The following PFKL variants were observed in gnomAD, a reference collection of about 807,000 sequenced individuals.
PFKL encodes phosphofructokinase, liver type, also known as ATP-dependent 6-phosphofructokinase, liver type.
Under a neutral mutation model 92.1 loss-of-function variants are expected in PFKL, and 74 were observed. That is an observed-to-expected ratio of 0.80 (90% CI 0.67 to 0.97). The LOEUF (loss-of-function observed/expected upper bound fraction) is 0.97. Among genes scored for constraint, PFKL ranks in the 50% least tolerant of loss-of-function variants. The pLI is 0.00. For synonymous variants in PFKL, 494 were observed against 456.4 expected, an observed-to-expected ratio of 1.08 and a Z score of -1.05; for missense variants, 1,028 against 1,116.6, an observed-to-expected ratio of 0.92 and a Z score of 1.13.
At chr21:44,325,082 C>A in intron 18 of PFKL, 71 bp from the exon 19 acceptor site, 1 of 1,263,558 alleles carries the variant, frequency 7.9e-7, no homozygotes. Context: ...AGGCCTGGCC[C>A]AGCGGGGACT....
intron 9 of PFKL, 43 bp downstream of exon 9, chr21:44,316,567 C>A: frequency 6.8e-7 from 1 of 1,465,938 alleles, no homozygotes; most frequent in South Asian, 1.2e-5. Context: ...CGTGGGTAAG[C>A]GTGGTGTGTG....
At chr21:44,314,135 C>T (rs1373016351) in intron 7 of PFKL, 114 bp downstream of exon 7, 1 of 726,774 alleles carries the variant, frequency 1.4e-6, no homozygotes, top group African/African-American at 1.8e-5. Context: ...GGTTCATCAG[C>T]AGCTGCAGGT....
chr21:44,319,372 A>C lies in PFKL; in HGVS notation c.1084A>C (p.Met362Leu), dbSNP rs1381748939. ...TAAGACCAAGGAAGTGCAGAAAGCC[A>C]TGGATGACAAGAGGTTTGACGAGGC... is the stretch of plus-strand genomic sequence containing the variant. ...VQMTKEVQKAMDDKRFDEATQ... is the reference protein window; with the variant it reads ...VQMTKEVQKALDDKRFDEATQ... The change falls in exon 11 of 22, where the codon ATG becomes CTG. Residue 362 changes from methionine (M) to leucine (L), a missense_variant. Coordinates refer to ENST00000349048, the MANE Select transcript of PFKL (RefSeq NM_002626.6). 1 of 1,613,810 alleles carries C rather than the reference A, an allele frequency of 6.2e-7. No individual in the cohort carries two copies. The highest frequency in any genetic ancestry group is 1.7e-5 in the Admixed American group (1 of 60,022).
chr21:44,310,352 G>A (rs369675192), intron 2 of PFKL, among the ~76,000 whole-genome samples: 25 of 152,314 alleles, frequency 1.6e-4, no homozygotes, highest in African/African-American at 5.1e-4. Context: ...GTGGCGGGAC[G>A]CGGAGCCTGG....
chr21:44,324,482 G>C lies in PFKL; in HGVS notation c.1651-9G>C, dbSNP rs760908364. 5 of 1,612,648 alleles carry C rather than the reference G, an allele frequency of 3.1e-6. No individual in the cohort carries two copies. The highest frequency in any genetic ancestry group is 2.2e-5 in the East Asian group (1 of 44,854). Reference sequence around the variant, plus strand: ...CGTGGAGGACCCCCGACCCCCCCTTGTCCCCCAGAGCTGTGACCGCATCAA... The same window carrying C: ...CGTGGAGGACCCCCGACCCCCCCTTCTCCCCCAGAGCTGTGACCGCATCAA... On this transcript the variant is annotated splice_polypyrimidine_tract_variant and intron_variant, in intron 16 of 21. Transcript: ENST00000349048.
chr21:44,307,571 C>A (rs766587576), intron 2 of PFKL, among the ~76,000 whole-genome samples: 1 of 152,250 alleles, frequency 6.6e-6, no homozygotes, highest in Non-Finnish European at 1.5e-5. Context: ...TCACTGCTCA[C>A]TGCTCGCTGC....
Position 44,322,170 on chromosome 21 carries a change from TG to T in PFKL, c.1380del (p.Arg461ValfsTer85). 1.2e-6 allele frequency: 2 copies of T among 1,604,908 alleles called. No individual in the cohort carries two copies. ...GGCTGGCACGACGTGGCCGGCTGGT[TG>T]GGGCGTGGTGGCTCCATGCTGGGGA... ...EVGWHDVAGW[L>X]GRGGSMLGTK... On this transcript the variant is annotated frameshift_variant, in exon 14 of 22. Transcript: ENST00000349048. LOFTEE classifies it high-confidence loss of function.
At chr21:44,305,846 A>G (rs1039355038) in intron 1 of PFKL, 1 of 1,366,504 alleles carries the variant, frequency 7.3e-7, no homozygotes. Context: ...TGTTTCTTTC[A>G]CTGCAGTCCT....
In PFKL at chr21:44,316,512, C is replaced by G. The variant is rs139920536; in HGVS notation, c.924C>G (p.Phe308Leu). ...HVQRGGTPSA[F>L]DRILSSKMGM... ...AGCGGGGAGGGACGCCCTCTGCCTT[C>G]GACCGGATCCTGGTAAGTGGCCATC... is the stretch of plus-strand genomic sequence containing the variant. The change falls in exon 9 of 22, where the codon TTC (phenylalanine) becomes TTG (leucine). Residue 308 changes from phenylalanine (F) to leucine (L), a missense_variant. Transcript: ENST00000349048. The G allele has an allele frequency of 1.3e-6, 2 of 1,597,030 alleles. No homozygotes were observed. Among genetic ancestry groups the G allele is most frequent in the South Asian group, 2.2e-5 (2 of 89,346 alleles).
chr21:44,318,607 G>GC lies in PFKL; in HGVS notation c.1062+20dup, dbSNP rs761158800. The GC allele has an allele frequency of 4.1e-4, 592 of 1,458,016 alleles. 1 individual carries two copies. Among genetic ancestry groups the GC allele is most frequent in the South Asian group, 6.5e-4 (46 of 71,184 alleles). The allele number at this position is 1,458,016 out of a possible 1,614,324, so 90.3% of individuals were successfully genotyped here. ...AGTGCGTGCAGATGGTAAGCCCTGG[G>GC]CCCCCCCCATCAGAACCGCCTGGCC... is the stretch of plus-strand genomic sequence containing the variant. On this transcript the variant is annotated intron_variant, in intron 10 of 21. Transcript: ENST00000349048.
chr21:44,319,951 C>G lies in PFKL; in HGVS notation c.1128-133C>G, dbSNP rs2047315933. On this transcript the variant is annotated intron_variant, in intron 11 of 21. Transcript: ENST00000349048. ...GTGCCCTGCCTGGCATGCGCGGTGT[C>G]TGCTGCCTCATGGCTGAGCTTCCAT... 4 of 776,638 alleles carry G rather than the reference C, an allele frequency of 5.2e-6. No individual in the cohort carries two copies. The East Asian group carries it at 1.0e-4, about 19-fold the overall frequency. 48.1% of individuals were successfully genotyped at this position (776,638 alleles called of 1,614,324 possible).
At chr21:44,316,749 G>T (rs2047218713) in intron 9 of PFKL, among the ~76,000 whole-genome samples, 1 of 151,838 alleles carries the variant, frequency 6.6e-6, no homozygotes, top group Admixed American at 6.6e-5. Flanking sequence ...GTGTGTGTGG[G>T]TGTGTGTCAG....
At chr21:44,320,437 G>T (rs2047327867) in intron 12 of PFKL, 1 of 300,896 alleles carries the variant, frequency 3.3e-6, no homozygotes, top group Non-Finnish European at 6.3e-6. Flanking sequence ...CCATTGTGTA[G>T]AAAATGTCCC....
At chr21:44,326,343 C>T in intron 21 of PFKL, 79 bp downstream of exon 21, 1 of 1,041,150 alleles carries the variant, frequency 9.6e-7, no homozygotes, top group Non-Finnish European at 1.4e-6. Context: ...GTGTGCCAGG[C>T]CCAGCCCCAC....
rs1304648897 is a variant in PFKL at position 44,321,676 on chromosome 21, T to TG, written c.1192-48dup. On this transcript the variant is annotated intron_variant, in intron 12 of 21. Transcript: ENST00000349048. ...CGGCCTGCTGACCTCCTGTGCAGGT[T>TG]GGGGGTCCCCTCCCCGGCTGTGCCT... 6.8e-6 allele frequency: 10 copies of TG among 1,470,832 alleles called. No individual in the cohort carries two copies. The Middle Eastern group carries it at 7.3e-4, about 108-fold the overall frequency. The allele number at this position is 1,470,832 out of a possible 1,614,324, so 91.1% of individuals were successfully genotyped here. A position where few individuals can be genotyped will look rare whatever the true frequency, so the allele number is the denominator to read the frequency against.
chr21:44,303,326 G>A (rs2040827658), intron 1 of PFKL, among the ~76,000 whole-genome samples: 1 of 150,328 alleles, frequency 6.7e-6, no homozygotes, highest in Non-Finnish European at 1.5e-5. Flanking sequence ...CAGGAGAATC[G>A]CTTGAACCGG....
Position 44,321,824 on chromosome 21 carries a change from A to T in PFKL, c.1287A>T (p.Gly429=). 1 of 1,600,928 alleles carries T rather than the reference A, an allele frequency of 6.2e-7. No homozygotes were observed. The highest frequency in any genetic ancestry group is 1.7e-5 in the Admixed American group (1 of 58,006). Residue 429 remains glycine (G), a synonymous_variant, in exon 13 of 22, where the codon GGA becomes GGT. Transcript: ENST00000349048. ...RSAVRTGISH[G]HTVYVVHDGF... ...CGGTGCGGACCGGCATCTCCCATGG[A>T]CACACAGTATACGTGGTGCACGATG...
intron 9 of PFKL, among the ~76,000 whole-genome samples, 197 bp downstream of exon 9, chr21:44,316,721 G>A (rs752222649): frequency 5.3e-5 from 8 of 151,874 alleles, no homozygotes; most frequent in East Asian, 1.9e-4. Context: ...TGTCTGGTCC[G>A]TGTGGGTGTG....
At chr21:44,300,855 G>T (rs375469087) in intron 1 of PFKL, among the ~76,000 whole-genome samples, 2 of 152,204 alleles carry the variant, frequency 1.3e-5, no homozygotes, top group Non-Finnish European at 2.9e-5. Context: ...TGGTGTCCTC[G>T]CACGCTCCCT....
Sources: allele counts gnomAD v4.1 joint callset (sites outside exome capture counted in the v4.1 genomes callset), GRCh38; gene constraint gnomAD v4.1.1; transcripts MANE v1.5; gene names NCBI Gene and HGNC (gene_info 2026-07-23, HGNC 2026-07-21).